Variants in C3orf85 observed in about 807,000 individuals in gnomAD.
C3orf85 encodes chromosome 3 open reading frame 85.
Under a neutral mutation model 1.7 loss-of-function variants are expected in C3orf85, and 1 was observed. The observed-to-expected ratio is 0.60, with a 90% CI of 0.21 to 2.86. The LOEUF (loss-of-function observed/expected upper bound fraction) is 2.86. Ranked by LOEUF, C3orf85 falls within the 30% of genes most tolerant of loss-of-function variation. C3orf85 has a pLI of 0.22. For missense variants in C3orf85, 29 were observed against 21.3 expected (o/e 1.36, Z -0.72); for synonymous variants, 17 against 8.0 (o/e 2.13, Z -1.90).
chr3:109,137,617 AT>A (rs1336816133), intron 2 of C3orf85, among the ~76,000 whole-genome samples: 9 of 89,478 alleles, frequency 1.0e-4, no homozygotes, highest in African/African-American at 3.2e-4. Flanking sequence ...ATAGATGTAT[AT>A]ATGTGTGTGT....
chr3:109,148,304 G>A lies in C3orf85; in HGVS notation c.101G>A (p.Arg34His), dbSNP rs1030847425. 8 of 702,576 alleles carry A rather than the reference G, an allele frequency of 1.1e-5. No individual in the cohort carries two copies. Among genetic ancestry groups the A allele is most frequent in the Admixed American group, 2.0e-5 (1 of 49,984 alleles). 43.5% of individuals were successfully genotyped at this position (702,576 alleles called of 1,614,324 possible). A position where few individuals can be genotyped will look rare whatever the true frequency, so the allele number is the denominator to read the frequency against. Residue 34 changes from arginine to histidine, a missense_variant, in exon 3 of 4, where the codon CGT becomes CAT. Arg to His is a conservative substitution (Grantham distance 29). Coordinates refer to ENST00000622536, the MANE Select transcript of C3orf85 (RefSeq NM_001351622.2). ...GAAGACCCTGCAAACCAGTTCCTACGTCTCAAAAGACATGTAAATTTGCAG... is the reference window on the plus strand; with the variant it reads ...GAAGACCCTGCAAACCAGTTCCTACATCTCAAAAGACATGTAAATTTGCAG... ...LLEDPANQFLRLKRHVNLQDY... is the reference protein window; with the variant it reads ...LLEDPANQFLHLKRHVNLQDY...
At chr3:109,140,791 A>G (rs930337263) in intron 2 of C3orf85, among the ~76,000 whole-genome samples, 1 of 152,202 alleles carries the variant, frequency 6.6e-6, no homozygotes, top group Non-Finnish European at 1.5e-5. Flanking sequence ...GTGAGTGCCA[A>G]CATTGTGTAT....
chr3:109,143,413 T>C (rs577873622), intron 2 of C3orf85, among the ~76,000 whole-genome samples: 2 of 152,378 alleles, frequency 1.3e-5, no homozygotes, highest in South Asian at 4.1e-4. Flanking sequence ...GTTTTCATTA[T>C]GCTCATACTG....
chr3:109,148,341 C>T lies in C3orf85; in HGVS notation c.138C>T (p.Asp46=). Residue 46 remains aspartate (D), a synonymous_variant, in exon 3 of 4, where the codon GAC becomes GAT. Coordinates refer to ENST00000622536, the MANE Select transcript of C3orf85 (RefSeq NM_001351622.2). ...ATGTAAATTTGCAGGATTACTGGGACCCAGATCACAGTTCAGATGTGTGGG... is the reference window on the plus strand; with the variant it reads ...ATGTAAATTTGCAGGATTACTGGGATCCAGATCACAGTTCAGATGTGTGGG... ...KRHVNLQDYW[D]PDHSSDVWVN... is the part of the protein sequence containing the mutation. 1 of 702,668 alleles carries T rather than the reference C, an allele frequency of 1.4e-6. No homozygotes were observed. Among genetic ancestry groups the T allele is most frequent in the Non-Finnish European group, 2.6e-6 (1 of 384,784 alleles). 43.5% of individuals were successfully genotyped at this position (702,668 alleles called of 1,614,324 possible). A position where few individuals can be genotyped will look rare whatever the true frequency, so the allele number is the denominator to read the frequency against.
chr3:109,141,586 C>T (rs1310272668), intron 2 of C3orf85, among the ~76,000 whole-genome samples: 2 of 152,094 alleles, frequency 1.3e-5, no homozygotes, highest in Admixed American at 6.5e-5. Flanking sequence ...CTCTCTCTCT[C>T]CTTTTCTCAC....
rs993005654 is a variant in C3orf85, at chr3:109,150,964, C to T, written c.*1070C>T. Among the ~76,000 whole-genome samples, 1 of 152,156 alleles carries T rather than the reference C, an allele frequency of 6.6e-6. No individual in the cohort carries two copies. The highest frequency in any genetic ancestry group is 2.4e-5 in the African/African-American group (1 of 41,444). On this transcript the variant is annotated 3_prime_UTR_variant, in exon 4 of 4. Transcript: ENST00000622536. The stretch of plus-strand genomic sequence containing the variant: ...AATGCCAAGAAGTTGACTGGAAGGA[C>T]TTTGGCCTCAGCAATTTCTTCTCCA...
At chr3:109,145,554 T>C (rs1706789296) in intron 2 of C3orf85, among the ~76,000 whole-genome samples, 2 of 152,314 alleles carry the variant, frequency 1.3e-5, no homozygotes, top group South Asian at 4.1e-4. Context: ...ATAGCGGTGA[T>C]GGTTACAAAA....
chr3:109,148,100 G>A (rs1171096377), intron 2 of C3orf85, among the ~76,000 whole-genome samples, 153 bp from the exon 3 acceptor site: 4 of 152,256 alleles, frequency 2.6e-5, no homozygotes, highest in African/African-American at 9.6e-5. Context: ...AAGGGCCAAG[G>A]AGTAGCTGTC....
chr3:109,144,882 C>G (rs1348212630), intron 2 of C3orf85, among the ~76,000 whole-genome samples: 1 of 152,108 alleles, frequency 6.6e-6, no homozygotes, highest in Non-Finnish European at 1.5e-5. Context: ...GAAAAAAACA[C>G]CTATTTATTA....
chr3:109,143,510 A>G (rs1706763464), intron 2 of C3orf85, among the ~76,000 whole-genome samples: 1 of 152,142 alleles, frequency 6.6e-6, no homozygotes, highest in Admixed American at 6.6e-5. Flanking sequence ...GGGTAAGTCT[A>G]CTCTGACCTT....
intron 2 of C3orf85, among the ~76,000 whole-genome samples, 192 bp from the exon 3 acceptor site, chr3:109,148,061 A>G (rs1706819655): frequency 6.6e-6 from 1 of 152,172 alleles, no homozygotes; most frequent in East Asian, 1.9e-4. Flanking sequence ...ATACAGGTCA[A>G]ATTGAGTGGT....
At chr3:109,146,897 G>A (rs1706804859) in intron 2 of C3orf85, among the ~76,000 whole-genome samples, 1 of 152,098 alleles carries the variant, frequency 6.6e-6, no homozygotes, top group South Asian at 2.1e-4. Context: ...AAACTTGCTG[G>A]TTGGATTATA....
intron 3 of C3orf85, 50 bp from the exon 4 acceptor site, chr3:109,149,755 A>C: frequency 2.5e-6 from 1 of 398,024 alleles, no homozygotes. Flanking sequence ...CTGATGCAAG[A>C]TGTGTTCTAC....
chr3:109,141,861 T>G (rs1305754207), intron 2 of C3orf85, among the ~76,000 whole-genome samples: 3 of 152,176 alleles, frequency 2.0e-5, no homozygotes, highest in Middle Eastern at 3.4e-3. Context: ...AAACCCCATC[T>G]CTACTAAAAA....
rs1332406669 is a variant in C3orf85, at chr3:109,151,118, A to G, written c.*1224A>G. Reference sequence around the variant, plus strand: ...TGCTATCCATTTCCAATAAATATGAACATAGATTTTTAAATTACATCTGAA... The same window carrying G: ...TGCTATCCATTTCCAATAAATATGAGCATAGATTTTTAAATTACATCTGAA... On this transcript the variant is annotated 3_prime_UTR_variant, in exon 4 of 4. Coordinates refer to ENST00000622536, the MANE Select transcript of C3orf85 (RefSeq NM_001351622.2). Among the ~76,000 whole-genome samples, 1 of 152,224 alleles carries G rather than the reference A, an allele frequency of 6.6e-6. No homozygotes were observed. Among genetic ancestry groups the G allele is most frequent in the African/African-American group, 2.4e-5 (1 of 41,460 alleles).
At position 109,149,263 on chromosome 3, in the gene C3orf85, C is replaced by G. The variant is rs1706838292; in HGVS notation, c.184-542C>G. The G allele has an allele frequency of 2.0e-5, 3 of 152,084 alleles. No individual in the cohort carries two copies. In the South Asian group the frequency reaches 6.2e-4, roughly 32 times the overall value. The allele number at this position is 152,084 out of a possible 1,614,324, so 9.4% of individuals were successfully genotyped here. On this transcript the variant is annotated intron_variant, in intron 3 of 3. Coordinates refer to ENST00000622536, the MANE Select transcript of C3orf85 (RefSeq NM_001351622.2). The stretch of plus-strand genomic sequence containing the variant: ...TATAAAGTCATAAAAAGTTGAATGT[C>G]CTTGTTTTCATGGGGCCTTGATCTT...
intron 2 of C3orf85, among the ~76,000 whole-genome samples, chr3:109,143,092 T>G (rs939287139): frequency 1.3e-5 from 2 of 152,166 alleles, no homozygotes; most frequent in Non-Finnish European, 2.9e-5. Flanking sequence ...ACAAATTAAG[T>G]GAAGCACTGC....
chr3:109,146,663 G>T (rs138335498), intron 2 of C3orf85, among the ~76,000 whole-genome samples: 5 of 152,128 alleles, frequency 3.3e-5, no homozygotes, highest in Non-Finnish European at 5.9e-5. Flanking sequence ...GCGCCCTCAC[G>T]ACATGGCAGC....
chr3:109,147,202 C>T (rs1248875210), intron 2 of C3orf85, among the ~76,000 whole-genome samples: 1 of 152,130 alleles, frequency 6.6e-6, no homozygotes, highest in African/African-American at 2.4e-5. Flanking sequence ...TGCTCAATAA[C>T]AACATCTTCT....
Sources: allele counts gnomAD v4.1 joint callset (sites outside exome capture counted in the v4.1 genomes callset), GRCh38; gene constraint gnomAD v4.1.1; transcripts MANE v1.5; gene names NCBI Gene and HGNC (gene_info 2026-07-23, HGNC 2026-07-21).